The following RAC2 variants were observed in gnomAD, a reference collection of about 807,000 sequenced individuals.
The protein encoded by RAC2 is ras-related C3 botulinum toxin substrate 2.
In RAC2, 1 loss-of-function variant was observed where a neutral mutation model predicts 24.0. The ratio of observed to expected loss-of-function variants is 0.04; its 90% confidence interval spans 0.01 to 0.20. The LOEUF is 0.20. Among genes scored for constraint, RAC2 ranks in the 10% least tolerant of loss-of-function variants. The probability of loss-of-function intolerance (pLI) is 1.00; values close to 1 mark genes in which losing one functional copy is unlikely to be tolerated. For missense variants in RAC2, 130 were observed against 259.1 expected, an observed-to-expected ratio of 0.50 and a Z score of 3.42; for synonymous variants, 114 against 106.8, an observed-to-expected ratio of 1.07 and a Z score of -0.41.
At chr22:37,237,931 T>A (rs1927283908) in intron 2 of RAC2, among the ~76,000 whole-genome samples, 1 of 151,164 alleles carries the variant, frequency 6.6e-6, no homozygotes, top group African/African-American at 2.4e-5. Flanking sequence ...AGAGGGCAGG[T>A]TGGAGACGGG....
intron 2 of RAC2, among the ~76,000 whole-genome samples, chr22:37,237,232 G>A (rs1927254645): frequency 7.0e-6 from 1 of 142,182 alleles, no homozygotes; most frequent in Admixed American, 6.9e-5. Flanking sequence ...AGGGAGGGAG[G>A]GAAGGAGGGA....
At position 37,244,198 on chromosome 22, in the gene RAC2, C is replaced by T; in HGVS notation, c.-50G>A. 1.2e-6 allele frequency: 2 copies of T among 1,608,144 alleles called. No individual in the cohort carries two copies. The highest frequency in any genetic ancestry group is 8.5e-7 in the Non-Finnish European group (1 of 1,177,280). ...GGTGGTGACAGCTCAGGGCCAGGCG[C>T]GTTTCTGCGGGCGCAAGGGGTGTGG... On this transcript the variant is annotated 5_prime_UTR_variant, in exon 1 of 7. Transcript: ENST00000249071.
chr22:37,231,985 G>C lies in RAC2; in HGVS notation c.235C>G (p.Leu79Val). 1 of 1,549,496 alleles carries C rather than the reference G, an allele frequency of 6.5e-7. No individual in the cohort carries two copies. ...GGGCTGACGAGGGAGAAGCAGATGA[G>C]GAAGACGTCCTGGGGACAGAGCAAG... ...PLSYPQTDVFLICFSLVSPAS... is the reference protein window; with the variant it reads ...PLSYPQTDVFVICFSLVSPAS... Residue 79 changes from leucine to valine, a missense_variant, in exon 4 of 7, where the codon CTC becomes GTC. Physicochemically the swap from Leu to Val is conservative, Grantham distance 32. Around this residue, in one of 2 missense-constraint regions of RAC2, gnomAD observed 119 missense variants for 192.1 expected, o/e 0.62. Transcript: ENST00000249071. This position sits in a 1 kb window ranked among gnomAD's most constrained non-coding sequence, Gnocchi z 5.5.
Position 37,231,845 on chromosome 22 carries a change from G to T in RAC2, c.288+87C>A. On this transcript the variant is annotated intron_variant, in intron 4 of 6. Coordinates refer to ENST00000249071, the MANE Select transcript of RAC2 (RefSeq NM_002872.5). The surrounding 1 kb of genome is among the most constrained non-coding windows in gnomAD (Gnocchi z 5.5). The stretch of plus-strand genomic sequence containing the variant: ...TCTGTATGCGACCTCTGCTGCCCCA[G>T]GGACCAGCCTAGAGTCACCAGTTCC... 6.9e-7 allele frequency: 1 copy of T among 1,453,800 alleles called. No homozygotes were observed. The highest frequency in any genetic ancestry group is 1.2e-5 in the South Asian group (1 of 82,112). 90.1% of individuals were successfully genotyped at this position (1,453,800 alleles called of 1,614,324 possible).
rs984715609 is a variant in RAC2 at position 37,244,266 on chromosome 22, G to A, written c.-118C>T. The A allele has an allele frequency of 5.2e-6, 6 of 1,155,576 alleles. No homozygotes were observed. In the African/African-American group the frequency reaches 9.2e-5, roughly 18 times the overall value. 71.6% of individuals were successfully genotyped at this position (1,155,576 alleles called of 1,614,324 possible). A position where few individuals can be genotyped will look rare whatever the true frequency, so the allele number is the denominator to read the frequency against. ...GCTGAGGAGCAGCGGTGGTGGGGCA[G>A]GAGGAAACGGAAGGGGAACTTACTC... On this transcript the variant is annotated 5_prime_UTR_variant, in exon 1 of 7. Coordinates refer to ENST00000249071, the MANE Select transcript of RAC2 (RefSeq NM_002872.5).
chr22:37,239,659 T>C (rs948117434), intron 2 of RAC2, among the ~76,000 whole-genome samples: 10 of 152,096 alleles, frequency 6.6e-5, no homozygotes, highest in African/African-American at 2.2e-4. Context: ...GAAAAGGAGA[T>C]TGAGGCTCAG....
At chr22:37,243,938 C>T (rs1927481998) in intron 1 of RAC2, among the ~76,000 whole-genome samples, 176 bp downstream of exon 1, 1 of 152,136 alleles carries the variant, frequency 6.6e-6, no homozygotes, top group Non-Finnish European at 1.5e-5. Flanking sequence ...TGAAGCTCCC[C>T]TCAGCCCACC....
intron 2 of RAC2, among the ~76,000 whole-genome samples, chr22:37,234,523 G>C (rs55994325): frequency 0.024 from 3,626 of 152,198 alleles, 87 homozygotes; most frequent in African/African-American, 0.058. Context: ...GAGGGTTAGG[G>C]AATCACTGTC....
intron 2 of RAC2, among the ~76,000 whole-genome samples, chr22:37,233,457 AT>A (rs1339616116): frequency 1.3e-5 from 2 of 151,864 alleles, no homozygotes; most frequent in Non-Finnish European, 2.9e-5. Context: ...TAATTTTTGT[AT>A]TTTTAGTAGA....
At chr22:37,232,553 G>T in intron 3 of RAC2, 1 of 543,962 alleles carries the variant, frequency 1.8e-6, no homozygotes, top group Non-Finnish European at 3.3e-6. Context: ...GAAACAGGGG[G>T]TGCCAGAGCC....
chr22:37,232,141 A>G, intron 3 of RAC2, 147 bp from the exon 4 acceptor site: 3 of 815,146 alleles, frequency 3.7e-6, no homozygotes, highest in Non-Finnish European at 6.1e-6. Context: ...GAGCAGAGAT[A>G]CCCTTCTCGC....
At chr22:37,244,070 GC>G in intron 1 of RAC2, 43 bp downstream of exon 1, 1 of 1,612,824 alleles carries the variant, frequency 6.2e-7, no homozygotes. Flanking sequence ...GGATCTCAGG[GC>G]ATCCCAGTTG....
At chr22:37,233,963 T>A (rs1002531977) in intron 2 of RAC2, among the ~76,000 whole-genome samples, 3 of 152,112 alleles carry the variant, frequency 2.0e-5, no homozygotes, top group African/African-American at 4.8e-5. Flanking sequence ...TCACTGGCCA[T>A]GGGAAGGGCC....
At position 37,231,106 on chromosome 22, in the gene RAC2, T is replaced by A. The variant is rs56152096; in HGVS notation, c.448+125A>T. ...GACTCGCCCAAGGTCACACAGCAAG[T>A]GCACAGCACAGCTGAGTTCAAACTG... is the stretch of plus-strand genomic sequence containing the variant. On this transcript the variant is annotated intron_variant, in intron 5 of 6. Transcript: ENST00000249071. This position sits in a 1 kb window ranked among gnomAD's most constrained non-coding sequence, Gnocchi z 5.5. 1,084 of 1,184,372 alleles carry A rather than the reference T, an allele frequency of 9.2e-4. 2 individuals are homozygous for A. Among genetic ancestry groups the A allele is most frequent in the Non-Finnish European group, 1.3e-3 (1,015 of 808,606 alleles). The allele number at this position is 1,184,372 out of a possible 1,614,324, so 73.4% of individuals were successfully genotyped here.
At chr22:37,233,060 T>C (rs567440805) in intron 2 of RAC2, 142 bp from the exon 3 acceptor site, 2 of 696,408 alleles carry the variant, frequency 2.9e-6, no homozygotes, top group African/African-American at 1.8e-5. Context: ...GCATTTGCAA[T>C]TGGGTTTCTT....
At position 37,231,122 on chromosome 22, in the gene RAC2, G is replaced by T; in HGVS notation, c.448+109C>A. ...CACAGCAAGTGCACAGCACAGCTGA[G>T]TTCAAACTGCACAGCCTGGCCCTGC... On this transcript the variant is annotated intron_variant, in intron 5 of 6. Transcript: ENST00000249071. This position sits in a 1 kb window ranked among gnomAD's most constrained non-coding sequence, Gnocchi z 5.5. 1 of 1,372,944 alleles carries T rather than the reference G, an allele frequency of 7.3e-7. No homozygotes were observed. The highest frequency in any genetic ancestry group is 1.0e-6 in the Non-Finnish European group (1 of 973,040). The allele number at this position is 1,372,944 out of a possible 1,614,324, so 85.0% of individuals were successfully genotyped here. A position where few individuals can be genotyped will look rare whatever the true frequency, so the allele number is the denominator to read the frequency against.
rs1927045654 is a variant in RAC2 at position 37,231,096 on chromosome 22, A to C, written c.448+135T>G. The C allele has an allele frequency of 9.1e-7, 1 of 1,094,770 alleles. No individual in the cohort carries two copies. The highest frequency in any genetic ancestry group is 1.4e-6 in the Non-Finnish European group (1 of 732,534). 67.8% of individuals were successfully genotyped at this position (1,094,770 alleles called of 1,614,324 possible). ...GAGGCTACGTGACTCGCCCAAGGTC[A>C]CACAGCAAGTGCACAGCACAGCTGA... is the stretch of plus-strand genomic sequence containing the variant. On this transcript the variant is annotated intron_variant, in intron 5 of 6. Coordinates refer to ENST00000249071, the MANE Select transcript of RAC2 (RefSeq NM_002872.5). The surrounding 1 kb of genome is among the most constrained non-coding windows in gnomAD (Gnocchi z 5.5).
chr22:37,229,721 A>C (rs149817921), intron 5 of RAC2, among the ~76,000 whole-genome samples: 17 of 152,344 alleles, frequency 1.1e-4, no homozygotes, highest in Non-Finnish European at 2.1e-4. Context: ...GCCAGGAAAG[A>C]CTGGCTAGAG....
chr22:37,242,551 G>C lies in RAC2; in HGVS notation c.36-893C>G, dbSNP rs533402765. 3.9e-5 allele frequency among the ~76,000 whole-genome samples: 6 copies of C among 152,256 alleles called. No homozygotes were observed. In the East Asian group the frequency reaches 9.7e-4, roughly 25 times the overall value. Reference sequence around the variant, plus strand: ...AGCTCTGGGCCTTCCCCTGCCCTGCGTGGTTTTGTCACTTCCTGCTCAGAG... The same window carrying C: ...AGCTCTGGGCCTTCCCCTGCCCTGCCTGGTTTTGTCACTTCCTGCTCAGAG... On this transcript the variant is annotated intron_variant, in intron 1 of 6. Coordinates refer to ENST00000249071, the MANE Select transcript of RAC2 (RefSeq NM_002872.5).
Sources: gnomAD v4.1 joint callset for allele counts (sites outside exome capture counted in the v4.1 genomes callset) on GRCh38, gnomAD v4.1.1 for gene constraint, gnomAD v4.1.1 regional missense constraint, Gnocchi (gnomAD v3.1) non-coding constraint, MANE v1.5 for transcripts, NCBI Gene and HGNC (gene_info 2026-07-23, HGNC 2026-07-21) for gene names.